SKAP2: variants seen among roughly 807,000 people sequenced by gnomAD.
SKAP2 encodes the protein src kinase associated phosphoprotein 2.
Under a neutral mutation model 54.9 loss-of-function variants are expected in SKAP2, and 28 were observed. That is an observed-to-expected ratio of 0.51 (90% CI 0.38 to 0.70). The LOEUF is 0.70. Among genes scored for constraint, SKAP2 ranks in the 30% least tolerant of loss-of-function variants. The pLI is 0.00. For missense variants in SKAP2, 356 were observed against 424.1 expected (o/e 0.84, Z 1.41); for synonymous variants, 137 against 134.3 (o/e 1.02, Z -0.14).
chr7:26,782,997 A>C (rs562899947), intron 4 of SKAP2, among the ~76,000 whole-genome samples: 31 of 152,324 alleles, frequency 2.0e-4, no homozygotes, highest in African/African-American at 6.7e-4. Context: ...ACCAGAATGT[A>C]CCAGATTCTT....
chr7:26,736,515 A>G (rs368683561), intron 6 of SKAP2, among the ~76,000 whole-genome samples: 1 of 152,244 alleles, frequency 6.6e-6, no homozygotes, highest in East Asian at 1.9e-4. Flanking sequence ...CCTGTTTAGC[A>G]TATAATCAAG....
At chr7:26,824,146 C>T (rs1784442235) in intron 4 of SKAP2, among the ~76,000 whole-genome samples, 1 of 150,934 alleles carries the variant, frequency 6.6e-6, no homozygotes, top group Non-Finnish European at 1.5e-5. Flanking sequence ...ATTTAAGAAA[C>T]TGCCACAGCC....
chr7:26,752,866 C>G (rs1343382215), intron 4 of SKAP2, among the ~76,000 whole-genome samples: 4 of 152,166 alleles, frequency 2.6e-5, no homozygotes, highest in African/African-American at 9.7e-5. Context: ...AAATTTTAAG[C>G]ATATACCTAC....
At chr7:26,784,152 G>C (rs1006588535) in intron 4 of SKAP2, among the ~76,000 whole-genome samples, 36 of 151,606 alleles carry the variant, frequency 2.4e-4, no homozygotes, top group African/African-American at 8.5e-4. Context: ...ATGTAAACGA[G>C]TCTCATCAGA....
rs370827862 is a variant in SKAP2, at chr7:26,681,385, G to A, written c.987+3351C>T. ...CTTAAACCTGGGAGGCAGCGGTTGC[G>A]GTGAGCCGAGATCGTGCCATTGCAC... On this transcript the variant is annotated intron_variant, in intron 11 of 12. Coordinates refer to ENST00000345317, the MANE Select transcript of SKAP2 (RefSeq NM_003930.5). Among the ~76,000 whole-genome samples, 11 of 152,198 alleles carry A rather than the reference G, an allele frequency of 7.2e-5. No homozygotes were observed. In the East Asian group the frequency reaches 1.2e-3, roughly 16 times the overall value.
intron 3 of SKAP2, among the ~76,000 whole-genome samples, chr7:26,850,590 AAAAAAGAAAAAAAAAGG>A (rs1584426365): frequency 6.6e-6 from 1 of 152,008 alleles, no homozygotes; most frequent in Non-Finnish European, 1.5e-5. Context: ...TATCTCAAAA[AAAAAAGAAAAAAAAAGG>A]AAAAAGAAAA....
chr7:26,844,076 T>G lies in SKAP2; in HGVS notation c.261A>C (p.Ser87=), dbSNP rs753085587. 2 of 1,612,676 alleles carry G rather than the reference T, an allele frequency of 1.2e-6. No homozygotes were observed. Among genetic ancestry groups the G allele is most frequent in the Non-Finnish European group, 1.7e-6 (2 of 1,179,200 alleles). The change falls in exon 4 of 13, where the codon TCA becomes TCC. Residue 87 remains serine (S), a synonymous_variant. Transcript: ENST00000345317. ...CTTTATCATATCGTTCTGAGGCTAATGAAATAGTGTCTGGAGGCCCAGCAA... is the reference window on the plus strand; with the variant it reads ...CTTTATCATATCGTTCTGAGGCTAAGGAAATAGTGTCTGGAGGCCCAGCAA... ...DPFAGPPDTI[S]LASERYDKDD... is the part of the protein sequence containing the mutation.
chr7:26,660,978 C>T, the SKAP2 span, among the ~76,000 whole-genome samples: 2 of 151,994 alleles, frequency 1.3e-5, no homozygotes, highest in Non-Finnish European at 2.9e-5. Context: ...GAATCTTCAG[C>T]GACTCTGCAT....
intron 9 of SKAP2, among the ~76,000 whole-genome samples, chr7:26,709,328 G>A (rs1384925092): frequency 2.0e-5 from 3 of 152,166 alleles, no homozygotes; most frequent in Admixed American, 2.0e-4. Flanking sequence ...CTCATAAGCA[G>A]TGGTCTGAGA....
At chr7:26,824,564 A>G (rs568554277) in intron 4 of SKAP2, among the ~76,000 whole-genome samples, 111 of 144,090 alleles carry the variant, frequency 7.7e-4, no homozygotes, top group Admixed American at 2.2e-3. Context: ...CTTGTTCTAG[A>G]CACTTTGTAT....
At chr7:26,850,742 T>G (rs1208216947) in intron 3 of SKAP2, among the ~76,000 whole-genome samples, 1 of 152,112 alleles carries the variant, frequency 6.6e-6, no homozygotes, top group Non-Finnish European at 1.5e-5. Flanking sequence ...AAGCAAGAAG[T>G]GTTCTAGCTG....
intron 1 of SKAP2, among the ~76,000 whole-genome samples, chr7:26,855,461 A>T (rs10256250): frequency 0.21 from 32,354 of 151,768 alleles, 3,545 homozygotes; most frequent in Non-Finnish European, 0.24. Flanking sequence ...CTACCTACAC[A>T]CTCATTCTGA....
intron 11 of SKAP2, among the ~76,000 whole-genome samples, chr7:26,679,986 A>C (rs1242989995): frequency 6.6e-6 from 1 of 152,234 alleles, no homozygotes; most frequent in Non-Finnish European, 1.5e-5. Context: ...GTTTGACTTA[A>C]TAAAAAGTTT....
At chr7:26,762,407 A>T (rs1261563919) in intron 4 of SKAP2, among the ~76,000 whole-genome samples, 3 of 152,252 alleles carry the variant, frequency 2.0e-5, no homozygotes, top group Non-Finnish European at 4.4e-5. Context: ...GACTCTAGAC[A>T]TACAATTAAT....
intron 4 of SKAP2, among the ~76,000 whole-genome samples, chr7:26,767,812 T>A (rs1783094778): frequency 6.6e-6 from 1 of 152,220 alleles, no homozygotes; most frequent in Non-Finnish European, 1.5e-5. Flanking sequence ...TTGCTTGCAC[T>A]GTGGTCTGAG....
chr7:26,792,035 G>T (rs1407210989), intron 4 of SKAP2, among the ~76,000 whole-genome samples: 3 of 152,206 alleles, frequency 2.0e-5, no homozygotes, highest in Non-Finnish European at 4.4e-5. Flanking sequence ...ACAGAGGTAT[G>T]AAACAACATG....
At chr7:26,854,021 T>C (rs905072077) in intron 3 of SKAP2, 116 bp downstream of exon 3, 7 of 684,148 alleles carry the variant, frequency 1.0e-5, no homozygotes, top group Non-Finnish European at 1.8e-5. Context: ...TAAGTACACA[T>C]TACGGAAATC....
At chr7:26,764,905 G>A (rs574985029) in intron 4 of SKAP2, among the ~76,000 whole-genome samples, 1 of 152,286 alleles carries the variant, frequency 6.6e-6, no homozygotes, top group South Asian at 2.1e-4. Flanking sequence ...GTTGGTTACA[G>A]CTCTTCCCTA....
At chr7:26,810,638 A>T (rs1784122734) in intron 4 of SKAP2, among the ~76,000 whole-genome samples, 1 of 152,304 alleles carries the variant, frequency 6.6e-6, no homozygotes, top group South Asian at 2.1e-4. Context: ...ATGTATACAC[A>T]TATCAAAACA....
Sources: gnomAD v4.1 joint callset for allele counts (sites outside exome capture counted in the v4.1 genomes callset) on GRCh38, gnomAD v4.1.1 for gene constraint, MANE v1.5 for transcripts, NCBI Gene and HGNC (gene_info 2026-07-23, HGNC 2026-07-21) for gene names.